LIMK1: variants seen among roughly 807,000 people sequenced by gnomAD.
LIMK1 encodes LIM motif-containing protein kinase.
A neutral mutation model predicts 77.6 loss-of-function variants in LIMK1; 21 were observed. The observed-to-expected ratio is 0.27, with a 90% CI of 0.19 to 0.39. LIMK1 has a LOEUF of 0.39. LIMK1 is among the 10% of genes least tolerant of loss of function. The pLI, the probability that LIMK1 is intolerant of heterozygous loss-of-function variation, is 1.00. For synonymous variants in LIMK1, 358 were observed against 370.0 expected (o/e 0.97, Z 0.37); for missense variants, 696 against 901.6 (o/e 0.77, Z 2.92).
intron 8 of LIMK1, 64 bp from the exon 9 acceptor site, chr7:74,107,807 G>A (rs1554697889): frequency 7.6e-7 from 1 of 1,322,368 alleles, no homozygotes; most frequent in Non-Finnish European, 1.1e-6. Flanking sequence ...GTGGAGATGG[G>A]GCTTCCTAGA....
chr7:74,095,743 C>T (rs1211259627), intron 2 of LIMK1, among the ~76,000 whole-genome samples: 1 of 151,954 alleles, frequency 6.6e-6, no homozygotes. Context: ...CCTGGCTGGG[C>T]AGGGCTGCTG....
intron 2 of LIMK1, among the ~76,000 whole-genome samples, chr7:74,088,134 C>T (rs1799168406): frequency 6.6e-6 from 1 of 152,132 alleles, no homozygotes; most frequent in Non-Finnish European, 1.5e-5. Context: ...AGGGACAACC[C>T]CTGTTCTAAG....
At chr7:74,117,790 A>G (rs1159470634) in intron 13 of LIMK1, among the ~76,000 whole-genome samples, 2 of 152,118 alleles carry the variant, frequency 1.3e-5, no homozygotes, top group Non-Finnish European at 2.9e-5. Flanking sequence ...AGCCTGGGCA[A>G]CGGAGTGAGA....
chr7:74,093,274 A>T, intron 2 of LIMK1: 2 of 1,535,996 alleles, frequency 1.3e-6, no homozygotes, highest in Non-Finnish European at 8.7e-7. Flanking sequence ...AGCCCCAAGA[A>T]GACGCCGCTT....
At chr7:74,115,487 T>TGGGAGGGAGCGCTTGC (rs1181364032) in intron 12 of LIMK1, 1 of 304,550 alleles carries the variant, frequency 3.3e-6, no homozygotes, top group Admixed American at 4.6e-5. Flanking sequence ...CCCCCGCAGG[T>TGGGAGGGAGCGCTTGC]GGGAGGGAGC....
intron 5 of LIMK1, among the ~76,000 whole-genome samples, chr7:74,102,600 C>G (rs1799489228): frequency 1.3e-5 from 2 of 150,396 alleles, no homozygotes; most frequent in South Asian, 2.1e-4. Context: ...CCTCCCACCT[C>G]TGCCTCCCAA....
chr7:74,097,691 A>C (rs1554695897), intron 4 of LIMK1, among the ~76,000 whole-genome samples: 1 of 152,202 alleles, frequency 6.6e-6, no homozygotes, highest in Non-Finnish European at 1.5e-5. Flanking sequence ...AGAAAACCTC[A>C]GACGTCAGCT....
intron 10 of LIMK1, 200 bp from the exon 11 acceptor site, chr7:74,111,448 A>T: frequency 1.7e-6 from 1 of 581,886 alleles, no homozygotes; most frequent in Non-Finnish European, 3.1e-6. Context: ...AAGAAAAAAA[A>T]AAAAGGAAAT....
At chr7:74,094,708 C>T (rs531768862) in intron 2 of LIMK1, among the ~76,000 whole-genome samples, 1 of 152,166 alleles carries the variant, frequency 6.6e-6, no homozygotes, top group South Asian at 2.1e-4. Context: ...CTGTAGACCA[C>T]CCCCCTCACC....
In LIMK1 at chr7:74,120,901, C is replaced by T. The variant is rs1554700431; in HGVS notation, c.1633C>T (p.Arg545Trp). 1 of 1,614,136 alleles carries T rather than the reference C, an allele frequency of 6.2e-7. No homozygotes were observed. The highest frequency in any genetic ancestry group is 1.7e-5 in the Admixed American group (1 of 60,010). Residue 545 changes from arginine (R) to tryptophan (W), a missense_variant, in exon 15 of 16, where the codon CGG becomes TGG. Around this residue, in one of 3 missense-constraint regions of LIMK1, gnomAD observed 438 missense variants for 602.3 expected, o/e 0.73. Coordinates refer to ENST00000336180, the MANE Select transcript of LIMK1 (RefSeq NM_002314.4). ...FGIVLCEIIGRVNADPDYLPR... is the reference protein window; with the variant it reads ...FGIVLCEIIGWVNADPDYLPR... ...GCCTTGTACTGGACAGATCATCGGG[C>T]GGGTGAACGCAGACCCTGACTACCT...
rs150858705 is a variant in LIMK1, at chr7:74,111,974, C to T, written c.1386C>T (p.Asn462=). ...TGAACATCATCCACCGAGACCTCAA[C>T]TCCCACAACTGCCTGGTCCGCGAGG... The part of the protein sequence containing the change: ...HSMNIIHRDL[N]SHNCLVRENK... The change falls in exon 12 of 16, where the codon AAC becomes AAT. Residue 462 remains asparagine, a synonymous_variant. Transcript: ENST00000336180. The T allele has an allele frequency of 9.3e-6, 15 of 1,612,386 alleles. No individual in the cohort carries two copies. The African/African-American group carries it at 1.9e-4, about 20-fold the overall frequency.
chr7:74,086,446 A>C (rs1247596939), intron 2 of LIMK1, among the ~76,000 whole-genome samples: 3 of 151,906 alleles, frequency 2.0e-5, no homozygotes, highest in Admixed American at 1.3e-4. Flanking sequence ...TGCAACCTCC[A>C]TCTCCCGGGC....
chr7:74,116,695 C>G (rs1190344080), intron 13 of LIMK1, among the ~76,000 whole-genome samples: 1 of 151,294 alleles, frequency 6.6e-6, no homozygotes, highest in Non-Finnish European at 1.5e-5. Flanking sequence ...CTGGCTCTAA[C>G]CTTCCTCCTT....
At chr7:74,116,179 A>G (rs1799804433) in intron 13 of LIMK1, among the ~76,000 whole-genome samples, 1 of 152,164 alleles carries the variant, frequency 6.6e-6, no homozygotes, top group Non-Finnish European at 1.5e-5. Flanking sequence ...GGATCACCTG[A>G]GGTCAGTAGT....
chr7:74,101,390 T>G (rs1362759996), intron 5 of LIMK1, among the ~76,000 whole-genome samples: 4 of 152,166 alleles, frequency 2.6e-5, no homozygotes, highest in African/African-American at 4.8e-5. Context: ...GCCTGTTATC[T>G]CAGCCACTTC....
At chr7:74,100,824 C>T (rs571926223) in intron 5 of LIMK1, among the ~76,000 whole-genome samples, 3 of 151,984 alleles carry the variant, frequency 2.0e-5, no homozygotes, top group African/African-American at 7.2e-5. Flanking sequence ...CAAGCCCCGC[C>T]TCCTGGGTTC....
intron 4 of LIMK1, 141 bp from the exon 5 acceptor site, chr7:74,098,891 C>T (rs1554696057): frequency 1.5e-6 from 1 of 647,076 alleles, no homozygotes; most frequent in East Asian, 2.6e-5. Flanking sequence ...GTGTTGTAAT[C>T]AACAGAGTGA....
At position 74,097,167 on chromosome 7, in the gene LIMK1, G is replaced by A. The variant is rs782109718; in HGVS notation, c.379G>A (p.Val127Met). Residue 127 changes from valine to methionine, a missense_variant, in exon 4 of 16, where the codon GTG (valine) becomes ATG (methionine). Physicochemically the swap from Val to Met is conservative, Grantham distance 21 (BLOSUM62 1). Around this residue, in one of 3 missense-constraint regions of LIMK1, gnomAD observed 252 missense variants for 279.4 expected, o/e 0.90. Coordinates refer to ENST00000336180, the MANE Select transcript of LIMK1 (RefSeq NM_002314.4). ...CGGTGACGGGGACACCTACACGCTG[G>A]TGGAGCACTCCAAGCTGTACTGGTG... is the stretch of plus-strand genomic sequence containing the variant. ...FIGDGDTYTL[V>M]EHSKLYCGHC... is the part of the protein sequence containing the mutation. 6 of 1,611,906 alleles carry A rather than the reference G, an allele frequency of 3.7e-6. No individual in the cohort carries two copies. Among genetic ancestry groups the A allele is most frequent in the Non-Finnish European group, 5.1e-6 (6 of 1,179,432 alleles).
At chr7:74,114,551 C>CA (rs547931306) in intron 12 of LIMK1, among the ~76,000 whole-genome samples, 2,188 of 67,098 alleles carry the variant, frequency 0.033, 32 homozygotes, top group African/African-American at 0.053. Flanking sequence ...GACTCTGCCT[C>CA]AAAAAAAAAA....
Sources: allele counts gnomAD v4.1 joint callset (sites outside exome capture counted in the v4.1 genomes callset), GRCh38; gene constraint gnomAD v4.1.1; regional missense constraint gnomAD v4.1.1; transcripts MANE v1.5; gene names NCBI Gene and HGNC (gene_info 2026-07-23, HGNC 2026-07-21).